Variants in ZGRF1 observed in about 807,000 individuals in gnomAD.
ZGRF1 encodes 5'-3' DNA helicase ZGRF1.
A neutral mutation model predicts 203.5 loss-of-function variants in ZGRF1; 196 were observed. The observed-to-expected ratio is 0.96, with a 90% CI of 0.86 to 1.08. The LOEUF (loss-of-function observed/expected upper bound fraction) is 1.08. Among genes scored for constraint, ZGRF1 ranks in the 50% least tolerant of loss-of-function variants. The probability of loss-of-function intolerance (pLI) is 0.00; values close to 1 mark genes in which losing one functional copy is unlikely to be tolerated. For missense variants in ZGRF1, 2,326 were observed against 2,416.3 expected (o/e 0.96, Z 0.78); for synonymous variants, 809 against 841.3 (o/e 0.96, Z 0.66).
At position 112,539,417 on chromosome 4, in the gene ZGRF1, CAT is replaced by C. The variant is rs1311090018; in HGVS notation, c.*128_*129del. The C allele has an allele frequency of 1.9e-6, 1 of 519,300 alleles. No homozygotes were observed. The highest frequency in any genetic ancestry group is 3.1e-6 in the Non-Finnish European group (1 of 321,366). 32.2% of individuals were successfully genotyped at this position (519,300 alleles called of 1,614,324 possible). A position where few individuals can be genotyped will look rare whatever the true frequency, so the allele number is the denominator to read the frequency against. On this transcript the variant is annotated 3_prime_UTR_variant, in exon 28 of 28. Coordinates refer to ENST00000505019, the MANE Select transcript of ZGRF1 (RefSeq NM_018392.5). Reference sequence around the variant, plus strand: ...ACTTTTTTGAAGAACAAAATTTTTACATGTGTTTACTATGTTATTTAAATATC... The same window carrying C: ...ACTTTTTTGAAGAACAAAATTTTTACGTGTTTACTATGTTATTTAAATATC...
intron 16 of ZGRF1, among the ~76,000 whole-genome samples, chr4:112,571,629 C>G (rs1744230818): frequency 6.6e-6 from 1 of 152,114 alleles, no homozygotes; most frequent in African/African-American, 2.4e-5. Flanking sequence ...AAGCTATCCT[C>G]CTGTCTTGGC....
Position 112,589,833 on chromosome 4 carries a change from A to C in ZGRF1, c.3018T>G (p.Val1006=). Residue 1006 remains valine, a synonymous_variant, in exon 11 of 28, where the codon GTT becomes GTG. Coordinates refer to ENST00000505019, the MANE Select transcript of ZGRF1 (RefSeq NM_018392.5). ...PEENISTLSP[V]STFSLNSRDE... Reference sequence around the variant, plus strand: ...CTCTTGAGTTCAAAGAAAAGGTAGAAACAGGGCTCAATGTAGAGATGTTTT... The same window carrying C: ...CTCTTGAGTTCAAAGAAAAGGTAGACACAGGGCTCAATGTAGAGATGTTTT... 1 of 1,613,338 alleles carries C rather than the reference A, an allele frequency of 6.2e-7. No individual in the cohort carries two copies. Among genetic ancestry groups the C allele is most frequent in the Non-Finnish European group, 8.5e-7 (1 of 1,179,672 alleles).
At position 112,568,808 on chromosome 4, in the gene ZGRF1, G is replaced by T. The variant is rs181413442; in HGVS notation, c.4439-5534C>A. Among the ~76,000 whole-genome samples, 55 of 151,146 alleles carry T rather than the reference G, an allele frequency of 3.6e-4. No individual in the cohort carries two copies. The East Asian group carries it at 9.0e-3, about 25-fold the overall frequency. On this transcript the variant is annotated intron_variant, in intron 16 of 27. Transcript: ENST00000505019. ...AGGCGGGCAGATTACAAGGTCAAGAGATCGAGACCATCCTGGCCAACATGG... is the reference window on the plus strand; with the variant it reads ...AGGCGGGCAGATTACAAGGTCAAGATATCGAGACCATCCTGGCCAACATGG...
Position 112,587,940 on chromosome 4 carries a change from A to G in ZGRF1, c.3128-11T>C. ...GGGATTTTTTCATCCCTGAAAGAAA[A>G]CAGAATGCTGATTAAATAAAAATGT... On this transcript the variant is annotated splice_polypyrimidine_tract_variant and intron_variant, in intron 11 of 27. Transcript: ENST00000505019. 2.7e-6 allele frequency: 4 copies of G among 1,506,546 alleles called. No homozygotes were observed. The highest frequency in any genetic ancestry group is 3.5e-6 in the Non-Finnish European group (4 of 1,128,644). 93.3% of individuals were successfully genotyped at this position (1,506,546 alleles called of 1,614,324 possible). A position where few individuals can be genotyped will look rare whatever the true frequency, so the allele number is the denominator to read the frequency against.
intron 22 of ZGRF1, among the ~76,000 whole-genome samples, chr4:112,551,978 T>G (rs1740052791): frequency 6.6e-6 from 1 of 152,154 alleles, no homozygotes; most frequent in African/African-American, 2.4e-5. Flanking sequence ...ACATGCCACT[T>G]TAGAAATGAG....
intron 22 of ZGRF1, 122 bp downstream of exon 22, chr4:112,553,713 T>A: frequency 1.2e-6 from 1 of 822,504 alleles, no homozygotes; most frequent in Non-Finnish European, 1.8e-6. Flanking sequence ...TGCACCTTAG[T>A]AGAATATAAA....
At chr4:112,581,399 G>A (rs1457096797) in intron 16 of ZGRF1, among the ~76,000 whole-genome samples, 8 of 150,494 alleles carry the variant, frequency 5.3e-5, no homozygotes, top group Non-Finnish European at 1.2e-4. Flanking sequence ...TACACGTTGT[G>A]CACATGTACC....
chr4:112,557,896 G>T (rs1285915987), intron 20 of ZGRF1, among the ~76,000 whole-genome samples: 1 of 152,166 alleles, frequency 6.6e-6, no homozygotes, highest in African/African-American at 2.4e-5. Context: ...AGCCCTACAT[G>T]TTCTTGGCTG....
At chr4:112,574,462 G>T (rs961288841) in intron 16 of ZGRF1, among the ~76,000 whole-genome samples, 23 of 152,106 alleles carry the variant, frequency 1.5e-4, no homozygotes, top group Non-Finnish European at 3.1e-4. Context: ...ACAGAAGAAA[G>T]AAAAATGCTG....
At position 112,618,704 on chromosome 4, in the gene ZGRF1, C is replaced by T. The variant is rs749686392; in HGVS notation, c.1338G>A (p.Lys446=). 2 of 1,611,486 alleles carry T rather than the reference C, an allele frequency of 1.2e-6. No individual in the cohort carries two copies. The highest frequency in any genetic ancestry group is 1.7e-6 in the Non-Finnish European group (2 of 1,179,328). ...DNKIPFNQND[K]GCIKGSVLIK... is the part of the protein sequence containing the mutation. Reference sequence around the variant, plus strand: ...TGAGAACTGATCCTTTAATGCACCCCTTGTCATTTTGATTAAAAGGTATTT... The same window carrying T: ...TGAGAACTGATCCTTTAATGCACCCTTTGTCATTTTGATTAAAAGGTATTT... Residue 446 remains lysine, a synonymous_variant, in exon 6 of 28, where the codon AAG becomes AAA. Transcript: ENST00000505019.
chr4:112,618,035 G>C lies in ZGRF1; in HGVS notation c.2007C>G (p.Val669=). ...GTAAAGCAAAATCATAGTTAATTCT[G>C]ACTTCTTGAATAGGTTTATTAGCAT... ...KEDANKPIQE[V]RINYDFALPP... Residue 669 remains valine, a synonymous_variant, in exon 6 of 28, where the codon GTC becomes GTG. Coordinates refer to ENST00000505019, the MANE Select transcript of ZGRF1 (RefSeq NM_018392.5). 1 of 1,612,978 alleles carries C rather than the reference G, an allele frequency of 6.2e-7. No individual in the cohort carries two copies. The highest frequency in any genetic ancestry group is 8.5e-7 in the Non-Finnish European group (1 of 1,179,682).
intron 4 of ZGRF1, among the ~76,000 whole-genome samples, chr4:112,623,572 G>A (rs531404112): frequency 6.6e-5 from 10 of 152,196 alleles, no homozygotes; most frequent in East Asian, 1.9e-4. Context: ...ACATAAGCAA[G>A]TTACTTAACC....
chr4:112,562,370 CGTT>C lies in ZGRF1; in HGVS notation c.4695_4697del (p.Thr1566del). 1 of 1,550,488 alleles carries C rather than the reference CGTT, an allele frequency of 6.4e-7. No individual in the cohort carries two copies. The highest frequency in any genetic ancestry group is 1.1e-5 in the South Asian group (1 of 87,400). Reference sequence around the variant, plus strand: ...TGACTCAAAGGTAAAAAATGACTTACGTTGTTAACAGGTACTGTGTTAGAGGTA... The same window carrying C: ...TGACTCAAAGGTAAAAAATGACTTACGTTAACAGGTACTGTGTTAGAGGTA... On this transcript the variant is annotated inframe_deletion and splice_region_variant, in exon 18 of 28. Coordinates refer to ENST00000505019, the MANE Select transcript of ZGRF1 (RefSeq NM_018392.5).
chr4:112,546,984 A>G (rs1738912150), intron 24 of ZGRF1: 1 of 190,744 alleles, frequency 5.2e-6, no homozygotes, highest in African/African-American at 2.3e-5. Flanking sequence ...AAAATTATTT[A>G]CAATGTGAAG....
In ZGRF1 at chr4:112,606,008, C is replaced by G. The variant is rs772010131; in HGVS notation, c.2802G>C (p.Lys934Asn). ...KQIERKTCDP[K>N]PVEFQGHQVK... ...AATCGATGTTCTTCACAAATTTTAC[C>G]TTAGGGTCACAGGTTTTTCTCTCTA... The change falls in exon 9 of 28, where the codon AAG becomes AAC. Residue 934 changes from lysine (K) to asparagine (N), a missense_variant and splice_region_variant. By Grantham distance (94) the Lys-to-Asn change is moderately conservative. Transcript: ENST00000505019. 1.9e-6 allele frequency: 3 copies of G among 1,576,050 alleles called. No homozygotes were observed. Among genetic ancestry groups the G allele is most frequent in the Non-Finnish European group, 2.6e-6 (3 of 1,153,852 alleles).
intron 24 of ZGRF1, among the ~76,000 whole-genome samples, chr4:112,542,888 A>G (rs746184756): frequency 8.6e-5 from 13 of 150,636 alleles, no homozygotes; most frequent in Non-Finnish European, 1.5e-4. Flanking sequence ...CAGTGGTGAG[A>G]TCATAACTCA....
chr4:112,594,994 C>T (rs1008276679), intron 10 of ZGRF1, among the ~76,000 whole-genome samples: 1 of 151,954 alleles, frequency 6.6e-6, no homozygotes, highest in Non-Finnish European at 1.5e-5. Flanking sequence ...TAATCCCTAG[C>T]ACTTTGGGAG....
chr4:112,556,536 T>C (rs746960736), intron 20 of ZGRF1, among the ~76,000 whole-genome samples: 23 of 152,180 alleles, frequency 1.5e-4, no homozygotes, highest in Non-Finnish European at 2.9e-5. Flanking sequence ...ATTACAGGCA[T>C]ATGTCACCAT....
Position 112,557,705 on chromosome 4 carries a change from G to A in ZGRF1, c.5120+445C>T, listed in dbSNP as rs79720960. 1.1e-3 allele frequency among the ~76,000 whole-genome samples: 171 copies of A among 152,328 alleles called. 1 individual carries two copies. The highest frequency in any genetic ancestry group is 3.9e-3 in the African/African-American group (164 of 41,572). ...CTGGGGATCCATTATCTTATAACAA[G>A]TAATAAGCAAGCCTGCTCTTTGTCC... On this transcript the variant is annotated intron_variant, in intron 20 of 27. Transcript: ENST00000505019.
Sources: gnomAD v4.1 joint callset for allele counts (sites outside exome capture counted in the v4.1 genomes callset) on GRCh38, gnomAD v4.1.1 for gene constraint, MANE v1.5 for transcripts, NCBI Gene and HGNC (gene_info 2026-07-23, HGNC 2026-07-21) for gene names.